The following USP40 variants were observed in gnomAD, a reference collection of about 807,000 sequenced individuals.
The protein encoded by USP40 is ubiquitin specific peptidase 40, also known as ubiquitin carboxyl-terminal hydrolase 40.
Under a neutral mutation model 166.2 loss-of-function variants are expected in USP40, and 143 were observed. That is an observed-to-expected ratio of 0.86 (90% CI 0.75 to 0.99). The LOEUF (loss-of-function observed/expected upper bound fraction) is 0.99, where lower values mean the gene tolerates loss of function less well. Among genes scored for constraint, USP40 ranks in the 50% least tolerant of loss-of-function variants. The pLI is 0.00. For missense variants in USP40, 1,444 were observed against 1,479.7 expected, an observed-to-expected ratio of 0.98 and a Z score of 0.40; for synonymous variants, 498 against 524.0, an observed-to-expected ratio of 0.95 and a Z score of 0.68.
intron 16 of USP40, among the ~76,000 whole-genome samples, chr2:233,522,565 T>C (rs778146975): frequency 2.0e-5 from 3 of 152,208 alleles, no homozygotes; most frequent in Non-Finnish European, 4.4e-5. Flanking sequence ...ATGGAAATAT[T>C]GCAGTTACAG....
At position 233,525,642 on chromosome 2, in the gene USP40, C is replaced by T. The variant is rs181965001; in HGVS notation, c.1726-80G>A. 19 of 1,040,528 alleles carry T rather than the reference C, an allele frequency of 1.8e-5. 1 individual carries two copies. In the South Asian group the frequency reaches 2.9e-4, roughly 16 times the overall value. 64.5% of individuals were successfully genotyped at this position (1,040,528 alleles called of 1,614,324 possible). On this transcript the variant is annotated intron_variant, in intron 13 of 31. Coordinates refer to ENST00000678225, the MANE Select transcript of USP40 (RefSeq NM_001365479.2). The stretch of plus-strand genomic sequence containing the variant: ...ACCTTTCCAGGTTACTGTGCCAACT[C>T]ACATATGAAGATGACACAGAGAGCA...
intron 2 of USP40, among the ~76,000 whole-genome samples, chr2:233,563,980 A>G (rs376990550): frequency 3.3e-5 from 5 of 152,286 alleles, no homozygotes; most frequent in African/African-American, 1.2e-4. Flanking sequence ...CTTCAACTAT[A>G]TTAAAACCTG....
At chr2:233,478,848 A>C (rs2064351227) in intron 31 of USP40, among the ~76,000 whole-genome samples, 1 of 152,136 alleles carries the variant, frequency 6.6e-6, no homozygotes, top group African/African-American at 2.4e-5. Context: ...GCCCCTATAC[A>C]CAGGTCTCTG....
At chr2:233,543,676 G>A (rs1334497366) in intron 8 of USP40, among the ~76,000 whole-genome samples, 1 of 152,220 alleles carries the variant, frequency 6.6e-6, no homozygotes, top group African/African-American at 2.4e-5. Context: ...CATCTATGAA[G>A]CAGAGCAAGT....
At chr2:233,548,964 C>A in intron 8 of USP40, 137 bp downstream of exon 8, 3 of 721,582 alleles carry the variant, frequency 4.2e-6, no homozygotes, top group Admixed American at 7.0e-5. Context: ...AAACTTGTAT[C>A]TGTATTAACT....
At chr2:233,479,877 G>A (rs936218639) in intron 31 of USP40, among the ~76,000 whole-genome samples, 1 of 152,142 alleles carries the variant, frequency 6.6e-6, no homozygotes, top group African/African-American at 2.4e-5. Context: ...AGACCCCGGA[G>A]AGCAGAGAGG....
intron 9 of USP40, among the ~76,000 whole-genome samples, chr2:233,541,086 T>TTA (rs1233377821): frequency 6.6e-6 from 1 of 152,178 alleles, no homozygotes; most frequent in Non-Finnish European, 1.5e-5. Flanking sequence ...ATTACTGATA[T>TTA]TAAACAAGAA....
intron 28 of USP40, among the ~76,000 whole-genome samples, chr2:233,487,101 T>C (rs568274912): frequency 1.3e-5 from 2 of 152,314 alleles, no homozygotes; most frequent in South Asian, 2.1e-4. Flanking sequence ...CTTACAACCA[T>C]TGTGACAAAG....
chr2:233,556,775 T>A, intron 5 of USP40, 80 bp downstream of exon 5: 1 of 1,302,774 alleles, frequency 7.7e-7, no homozygotes, highest in Non-Finnish European at 1.0e-6. Context: ...TTAATCCTTG[T>A]GTGGTATATA....
intron 7 of USP40, among the ~76,000 whole-genome samples, chr2:233,550,035 T>C (rs2070409468): frequency 6.6e-6 from 1 of 152,160 alleles, no homozygotes; most frequent in East Asian, 1.9e-4. Context: ...ATCTGAGGGC[T>C]CTAAAACTAC....
In USP40 at chr2:233,551,375, C is replaced by T. The variant is rs555204381; in HGVS notation, c.837+1G>A. 2.5e-6 allele frequency: 4 copies of T among 1,597,668 alleles called. No homozygotes were observed. Among genetic ancestry groups the T allele is most frequent in the Non-Finnish European group, 3.4e-6 (4 of 1,175,142 alleles). ...GAATTTAAAAATAAAATAGTTCAAA[C>T]CTGTTCACAAAAGGGCTTGAGATTA... is the stretch of plus-strand genomic sequence containing the variant. On this transcript the variant is annotated splice_donor_variant, in intron 7 of 31. Transcript: ENST00000678225. LOFTEE classifies it high-confidence loss of function.
chr2:233,513,435 C>A (rs1258823670), intron 18 of USP40, among the ~76,000 whole-genome samples: 1 of 152,140 alleles, frequency 6.6e-6, no homozygotes, highest in African/African-American at 2.4e-5. Context: ...CATGCAGTGA[C>A]AAACCACCAG....
At chr2:233,535,798 G>A (rs942899100) in intron 10 of USP40, among the ~76,000 whole-genome samples, 4 of 152,042 alleles carry the variant, frequency 2.6e-5, no homozygotes, top group African/African-American at 9.7e-5. Context: ...TCAATTCAAT[G>A]GTAGGAATAA....
At chr2:233,522,338 C>T (rs1289768779) in intron 16 of USP40, among the ~76,000 whole-genome samples, 1 of 152,150 alleles carries the variant, frequency 6.6e-6, no homozygotes, top group African/African-American at 2.4e-5. Flanking sequence ...ATGCATACTG[C>T]CTTTTATAAA....
At chr2:233,504,919 C>G (rs1053119675) in intron 21 of USP40, among the ~76,000 whole-genome samples, 2 of 151,996 alleles carry the variant, frequency 1.3e-5, no homozygotes, top group Non-Finnish European at 2.9e-5. Context: ...TTGTCAACTG[C>G]ACAGAGAATA....
chr2:233,495,831 A>G (rs1212998552), intron 24 of USP40, among the ~76,000 whole-genome samples: 1 of 152,218 alleles, frequency 6.6e-6, no homozygotes, highest in African/African-American at 2.4e-5. Context: ...AACTTTAAAG[A>G]TCATTGTACA....
chr2:233,540,183 C>G (rs571772794), intron 10 of USP40, among the ~76,000 whole-genome samples: 18 of 147,780 alleles, frequency 1.2e-4, no homozygotes, highest in African/African-American at 4.2e-4. Context: ...CCAAGCAACA[C>G]TGATGAAAAA....
chr2:233,505,458 G>T (rs770783986), intron 21 of USP40, among the ~76,000 whole-genome samples: 1 of 152,046 alleles, frequency 6.6e-6, no homozygotes, highest in African/African-American at 2.4e-5. Context: ...GAAAAAAAGA[G>T]TGAAGACTCA....
chr2:233,561,075 C>T, intron 3 of USP40: 1 of 1,403,098 alleles, frequency 7.1e-7, no homozygotes, highest in East Asian at 2.5e-5. Context: ...AAAATTATTG[C>T]TTTGTGAACA....
Sources: allele counts gnomAD v4.1 joint callset (sites outside exome capture counted in the v4.1 genomes callset), GRCh38; gene constraint gnomAD v4.1.1; transcripts MANE v1.5; gene names NCBI Gene and HGNC (gene_info 2026-07-23, HGNC 2026-07-21).